Variants in PSMD1 observed in about 807,000 individuals in gnomAD.
The protein encoded by PSMD1 is 26S proteasome non-ATPase regulatory subunit 1.
A neutral mutation model predicts 119.0 loss-of-function variants in PSMD1; 18 were observed. The observed-to-expected ratio is 0.15, with a 90% confidence interval of 0.10 to 0.22. The LOEUF (loss-of-function observed/expected upper bound fraction) is 0.22, where lower values mean the gene tolerates loss of function less well. PSMD1 is among the 10% of genes least tolerant of loss of function. The pLI, the probability that PSMD1 is intolerant of heterozygous loss-of-function variation, is 1.00. For missense variants in PSMD1, 702 were observed against 1,158.5 expected, an observed-to-expected ratio of 0.61 and a Z score of 5.72; for synonymous variants, 374 against 396.6, an observed-to-expected ratio of 0.94 and a Z score of 0.68.
At chr2:231,123,169 A>T (rs1489986868) in intron 16 of PSMD1, among the ~76,000 whole-genome samples, 1 of 152,190 alleles carries the variant, frequency 6.6e-6, no homozygotes, top group Non-Finnish European at 1.5e-5. Flanking sequence ...ATGACTTTTT[A>T]AATGATTTTA....
intron 16 of PSMD1, among the ~76,000 whole-genome samples, chr2:231,095,042 A>G (rs930080847): frequency 3.3e-5 from 5 of 152,226 alleles, no homozygotes; most frequent in African/African-American, 4.8e-5. Flanking sequence ...CATTTGTCCT[A>G]TTAACCCTGT....
chr2:231,113,731 A>G (rs367813041), intron 16 of PSMD1: 1 of 1,613,246 alleles, frequency 6.2e-7, no homozygotes, highest in South Asian at 1.1e-5. Context: ...CTACATACCT[A>G]TTGAAATTAA....
chr2:231,122,234 GC>G, intron 16 of PSMD1, among the ~76,000 whole-genome samples: 1 of 152,134 alleles, frequency 6.6e-6, no homozygotes, highest in South Asian at 2.1e-4. Context: ...TTATTTTAAA[GC>G]CCAGGTAAAT....
intron 16 of PSMD1, among the ~76,000 whole-genome samples, chr2:231,131,651 A>G (rs1242952031): frequency 2.2e-5 from 2 of 89,050 alleles, no homozygotes; most frequent in Non-Finnish European, 3.7e-5. Context: ...AGTCCCAGCT[A>G]CTTGGGAGGC....
At chr2:231,099,045 A>G (rs112963731) in intron 16 of PSMD1, among the ~76,000 whole-genome samples, 4 of 152,300 alleles carry the variant, frequency 2.6e-5, no homozygotes, top group African/African-American at 9.6e-5. Flanking sequence ...GTAATTCCTA[A>G]GAGTCAGGGT....
intron 16 of PSMD1, among the ~76,000 whole-genome samples, chr2:231,135,228 CTT>C (rs1695940585): frequency 6.6e-6 from 1 of 152,136 alleles, no homozygotes; most frequent in South Asian, 2.1e-4. Flanking sequence ...TCAATAGCCT[CTT>C]TGGTGTAATA....
At chr2:231,138,872 G>T in intron 17 of PSMD1, 22 bp downstream of exon 17, 1 of 1,560,774 alleles carries the variant, frequency 6.4e-7, no homozygotes, top group East Asian at 2.2e-5. Context: ...AGCCAATGGG[G>T]TCAGTTCTTT....
At chr2:231,136,943 A>T (rs894792902) in intron 16 of PSMD1, among the ~76,000 whole-genome samples, 6 of 145,062 alleles carry the variant, frequency 4.1e-5, no homozygotes, top group African/African-American at 1.5e-4. Context: ...TATAATATAT[A>T]TTATATTTAC....
At chr2:231,098,409 TTCTCTG>T (rs370992617) in intron 16 of PSMD1, among the ~76,000 whole-genome samples, 1 of 152,138 alleles carries the variant, frequency 6.6e-6, no homozygotes, top group Middle Eastern at 3.4e-3. Flanking sequence ...TTCTCTCTCT[TTCTCTG>T]TCTCTGACTC....
chr2:231,133,675 T>C (rs1294715931), intron 16 of PSMD1: 2 of 152,222 alleles, frequency 1.3e-5, no homozygotes, highest in Admixed American at 1.3e-4. Context: ...CCATTTAGAA[T>C]AGTGTTTCTG....
intron 16 of PSMD1, among the ~76,000 whole-genome samples, chr2:231,112,165 C>G (rs1051926365): frequency 7.9e-5 from 12 of 152,196 alleles, no homozygotes; most frequent in Admixed American, 4.6e-4. Context: ...ACACATACCT[C>G]ACACTCTCCC....
In PSMD1 at chr2:231,140,495, CAAAAAAAAA is replaced by C. The variant is rs766658246; in HGVS notation, c.1998+1657_1998+1665del. Among the ~76,000 whole-genome samples, 185 of 48,498 alleles carry C rather than the reference CAAAAAAAAA, an allele frequency of 3.8e-3. 1 individual carries two copies. Among genetic ancestry groups the C allele is most frequent in the African/African-American group, 0.011 (170 of 15,218 alleles). 31.8% of individuals were successfully genotyped at this position (48,498 alleles called of 152,430 possible). On this transcript the variant is annotated intron_variant, in intron 17 of 24. Transcript: ENST00000308696. ...TGGGTGACAGAGCAAGACTCCATCTCAAAAAAAAAAAAAAAAAAAAGAGTGTTGGTATTG... is the reference window on the plus strand; with the variant it reads ...TGGGTGACAGAGCAAGACTCCATCTCAAAAAAAAAAAGAGTGTTGGTATTG...
At chr2:231,079,403 A>C (rs78276195) in intron 10 of PSMD1, 133 bp from the exon 11 acceptor site, 20,015 of 492,776 alleles carry the variant, frequency 0.041, 588 homozygotes, top group East Asian at 0.12. Context: ...TAGAATCAGT[A>C]GTAACTTGAG....
intron 2 of PSMD1, 110 bp downstream of exon 2, chr2:231,061,420 T>G (rs1693755651): frequency 4.5e-6 from 4 of 893,180 alleles, no homozygotes; most frequent in Non-Finnish European, 6.7e-6. Flanking sequence ...CTAGCTGGCT[T>G]GTACCCAGTT....
chr2:231,094,680 C>T (rs1694684345), intron 16 of PSMD1, among the ~76,000 whole-genome samples: 1 of 152,088 alleles, frequency 6.6e-6, no homozygotes, highest in Non-Finnish European at 1.5e-5. Flanking sequence ...TTACCAGAAC[C>T]GTCAGTAAAA....
chr2:231,104,707 G>A (rs1185682386), intron 16 of PSMD1, among the ~76,000 whole-genome samples: 1 of 152,096 alleles, frequency 6.6e-6, no homozygotes, highest in East Asian at 1.9e-4. Flanking sequence ...ATTCTAAACA[G>A]GCTTCATGAT....
intron 18 of PSMD1, among the ~76,000 whole-genome samples, chr2:231,153,031 C>T (rs1287326289): frequency 6.6e-6 from 1 of 152,074 alleles, no homozygotes; most frequent in Non-Finnish European, 1.5e-5. Flanking sequence ...CCTTTTGGTA[C>T]GAGTACACAT....
rs1328977250 is a variant in PSMD1, at chr2:231,138,831, G to C, written c.1979G>C (p.Cys660Ser). ...GCTGCAATGGCCTTGGGGATATGCT[G>C]TGCTGGTACAGGAAACAAGGTAAAG... ...YGAAMALGIC[C>S]AGTGNKEAIN... Residue 660 changes from cysteine (C) to serine (S), a missense_variant, in exon 17 of 25, where the codon TGT (cysteine) becomes TCT (serine). This residue lies in a region of PSMD1 where 272 missense variants were observed against 511.6 expected (regional missense o/e 0.53). Transcript: ENST00000308696. 2 of 1,613,816 alleles carry C rather than the reference G, an allele frequency of 1.2e-6. No homozygotes were observed. Among genetic ancestry groups the C allele is most frequent in the Admixed American group, 3.3e-5 (2 of 60,002 alleles).
At position 231,085,243 on chromosome 2, in the gene PSMD1, T is replaced by A. The variant is rs1694403280; in HGVS notation, c.1818+129T>A. ...AGTGGTCTTAGGTTGTGATTCTCAT[T>A]TACTGGACCCAACAGGCCATAACCT... On this transcript the variant is annotated intron_variant, in intron 15 of 24. Coordinates refer to ENST00000308696, the MANE Select transcript of PSMD1 (RefSeq NM_002807.4). 3 of 742,276 alleles carry A rather than the reference T, an allele frequency of 4.0e-6. No homozygotes were observed. In the Admixed American group the frequency reaches 6.2e-5, roughly 15 times the overall value. The allele number at this position is 742,276 out of a possible 1,614,324, so 46.0% of individuals were successfully genotyped here.
Sources: gnomAD v4.1 joint callset for allele counts (sites outside exome capture counted in the v4.1 genomes callset) on GRCh38, gnomAD v4.1.1 for gene constraint, gnomAD v4.1.1 regional missense constraint, MANE v1.5 for transcripts, NCBI Gene and HGNC (gene_info 2026-07-23, HGNC 2026-07-21) for gene names.